Variants in TRAPPC14 observed in about 807,000 individuals in gnomAD.
The protein encoded by TRAPPC14 is trafficking protein particle complex subunit 14, also known as microtubule associated protein 11.
In TRAPPC14, 24 loss-of-function variants were observed where a neutral mutation model predicts 56.6. That is an observed-to-expected ratio of 0.42 (90% CI 0.31 to 0.60). TRAPPC14 has a LOEUF of 0.60. TRAPPC14 is among the 20% of genes least tolerant of loss of function. The probability of loss-of-function intolerance (pLI) is 0.14; values close to 1 mark genes in which losing one functional copy is unlikely to be tolerated. For missense variants in TRAPPC14, 615 were observed against 790.3 expected (o/e 0.78, Z 2.66); for synonymous variants, 377 against 347.0 (o/e 1.09, Z -0.96).
chr7:100,154,904 CA>C lies in TRAPPC14; in HGVS notation c.*106del, dbSNP rs1798841284. 1 of 1,122,520 alleles carries C rather than the reference CA, an allele frequency of 8.9e-7. No homozygotes were observed. The highest frequency in any genetic ancestry group is 1.8e-5 in the Admixed American group (1 of 55,306). 69.5% of individuals were successfully genotyped at this position (1,122,520 alleles called of 1,614,324 possible). ...GACAGGCAGCTCTGCCAGGCCTCTT[CA>C]CCCCCGTCTGGGAGGCATCCCAGGG... On this transcript the variant is annotated 3_prime_UTR_variant, in exon 11 of 11. Coordinates refer to ENST00000316937, the MANE Select transcript of TRAPPC14 (RefSeq NM_018275.5).
Position 100,157,622 on chromosome 7 carries a change from G to A in TRAPPC14, c.637+11C>T. The A allele has an allele frequency of 6.2e-7, 1 of 1,613,974 alleles. No homozygotes were observed. Among genetic ancestry groups the A allele is most frequent in the Non-Finnish European group, 8.5e-7 (1 of 1,179,994 alleles). ...GACTCTAGCCCTTTGCCTCTGCGCT[G>A]CCCTGCCCACCTTGGGCCTTGAAAG... On this transcript the variant is annotated intron_variant, in intron 3 of 10. Transcript: ENST00000316937.
Position 100,154,875 on chromosome 7 carries a change from A to G in TRAPPC14, c.*136T>C, listed in dbSNP as rs1036323571. The G allele has an allele frequency of 2.5e-6, 2 of 814,132 alleles. No individual in the cohort carries two copies. Among genetic ancestry groups the G allele is most frequent in the Non-Finnish European group, 4.1e-6 (2 of 488,166 alleles). The allele number at this position is 814,132 out of a possible 1,614,324, so 50.4% of individuals were successfully genotyped here. ...CTTCCCCCATCCCTCATCAGCAGAC[A>G]CAAGACAGGCAGCTCTGCCAGGCCT... is the stretch of plus-strand genomic sequence containing the variant. On this transcript the variant is annotated 3_prime_UTR_variant, in exon 11 of 11. Coordinates refer to ENST00000316937, the MANE Select transcript of TRAPPC14 (RefSeq NM_018275.5).
In TRAPPC14 at chr7:100,158,080, G is replaced by C; in HGVS notation, c.411+9C>G. On this transcript the variant is annotated intron_variant, in intron 1 of 10. Coordinates refer to ENST00000316937, the MANE Select transcript of TRAPPC14 (RefSeq NM_018275.5). ...TCCGTCCTGTGCCAGGTCCCCCAAA[G>C]CTCCTCACCGTGGTCGCTCCCCCTG... The C allele has an allele frequency of 6.8e-7, 1 of 1,464,040 alleles. No individual in the cohort carries two copies. The highest frequency in any genetic ancestry group is 1.4e-5 in the South Asian group (1 of 72,916). The allele number at this position is 1,464,040 out of a possible 1,614,324, so 90.7% of individuals were successfully genotyped here.
Position 100,157,171 on chromosome 7 carries a change from G to T in TRAPPC14, c.768C>A (p.Ile256=). Residue 256 remains isoleucine (I), a synonymous_variant, in exon 5 of 11, where the codon ATC becomes ATA. Coordinates refer to ENST00000316937, the MANE Select transcript of TRAPPC14 (RefSeq NM_018275.5). ...SSQEEISIWD[I]RILPNFNASY... is the part of the protein sequence containing the mutation. ...TGGCGTTGAAGTTGGGGAGGATTCG[G>T]ATATCCCAGATGGAGATTTCCTCCT... 6.2e-7 allele frequency: 1 copy of T among 1,614,184 alleles called. No individual in the cohort carries two copies. The highest frequency in any genetic ancestry group is 8.5e-7 in the Non-Finnish European group (1 of 1,180,034).
chr7:100,157,153 G>C lies in TRAPPC14; in HGVS notation c.786C>G (p.Phe262Leu). 1 of 1,614,222 alleles carries C rather than the reference G, an allele frequency of 6.2e-7. No individual in the cohort carries two copies. Among genetic ancestry groups the C allele is most frequent in the Non-Finnish European group, 8.5e-7 (1 of 1,180,044 alleles). Residue 262 changes from phenylalanine (F) to leucine (L), a missense_variant, in exon 5 of 11, where the codon TTC (phenylalanine) becomes TTG (leucine). Coordinates refer to ENST00000316937, the MANE Select transcript of TRAPPC14 (RefSeq NM_018275.5). ...SIWDIRILPN[F>L]NASYLPVMPD... is the part of the protein sequence containing the mutation. ...GCATGACAGGTAGATAACTGGCGTT[G>C]AAGTTGGGGAGGATTCGGATATCCC...
rs1285825478 is a variant in TRAPPC14 at position 100,157,943 on chromosome 7, G to A, written c.412-5C>T. 6.5e-7 allele frequency: 1 copy of A among 1,535,394 alleles called. No homozygotes were observed. Among genetic ancestry groups the A allele is most frequent in the South Asian group, 1.3e-5 (1 of 78,792 alleles). ...AATCGGTTCCTCCACAGGCAGCTGG[G>A]GTTGGGAAAGGGGTGAAGAGGTCAG... On this transcript the variant is annotated splice_polypyrimidine_tract_variant and splice_region_variant and intron_variant, in intron 1 of 10. Coordinates refer to ENST00000316937, the MANE Select transcript of TRAPPC14 (RefSeq NM_018275.5).
rs368722843 is a variant in TRAPPC14 at position 100,154,651 on chromosome 7, G to A, written c.*360C>T. On this transcript the variant is annotated 3_prime_UTR_variant, in exon 11 of 11. Coordinates refer to ENST00000316937, the MANE Select transcript of TRAPPC14 (RefSeq NM_018275.5). ...CTAATCTCAGCCCTGCGGGAGGGAG[G>A]GAGGGAATGTCAGAGGTGGGAAAGA... is the stretch of plus-strand genomic sequence containing the variant. 30 of 317,792 alleles carry A rather than the reference G, an allele frequency of 9.4e-5. No individual in the cohort carries two copies. The East Asian group carries it at 2.5e-3, about 27-fold the overall frequency. The allele number at this position is 317,792 out of a possible 1,614,324, so 19.7% of individuals were successfully genotyped here. A position where few individuals can be genotyped will look rare whatever the true frequency, so the allele number is the denominator to read the frequency against.
rs13245950 is a variant in TRAPPC14 at position 100,158,454 on chromosome 7, G to A, written c.46C>T (p.Leu16=). Residue 16 remains leucine, a synonymous_variant, in exon 1 of 11, where the codon CTG becomes TTG. Coordinates refer to ENST00000316937, the MANE Select transcript of TRAPPC14 (RefSeq NM_018275.5). The part of the protein sequence containing the change: ...DYSMYFPAVP[L]PPRAELAGDP... ...CCTGCCAGCTCCGCGCGCGGCGGCA[G>A]CGGCACGGCCGGGAAGTACATCGAG... 7.2e-7 allele frequency: 1 copy of A among 1,393,496 alleles called. No individual in the cohort carries two copies. The highest frequency in any genetic ancestry group is 9.3e-7 in the Non-Finnish European group (1 of 1,076,508). The allele number at this position is 1,393,496 out of a possible 1,614,324, so 86.3% of individuals were successfully genotyped here. A position where few individuals can be genotyped will look rare whatever the true frequency, so the allele number is the denominator to read the frequency against.
rs778090654 is a variant in TRAPPC14, at chr7:100,156,549, G to C, written c.1077C>G (p.Arg359=). Residue 359 remains arginine, a splice_region_variant and synonymous_variant, in exon 8 of 11, where the codon CGC becomes CGG. Transcript: ENST00000316937. The part of the protein sequence containing the change: ...PFTQSIYTHY[R]LPSVRLDRPC... ...GGCGGTCCAAGCGGACACTGGGCAG[G>C]CTAGGAGTGGTGAGAGAGGGATGCT... 6.2e-7 allele frequency: 1 copy of C among 1,614,070 alleles called. No individual in the cohort carries two copies. The highest frequency in any genetic ancestry group is 8.5e-7 in the Non-Finnish European group (1 of 1,179,944).
In TRAPPC14 at chr7:100,156,947, G is replaced by A. The variant is rs192880220; in HGVS notation, c.891C>T (p.Pro297=). Residue 297 remains proline (P), a synonymous_variant, in exon 6 of 11, where the codon CCC becomes CCT. Transcript: ENST00000316937. ...GGCAGGGGAAGCAGCCAGAGGTCCC[G>A]GGTAGGCGGCAGAAGGAGCCCATGG... is the stretch of plus-strand genomic sequence containing the variant. ...EVSMGSFCRL[P]GTSGCFPCPL... is the part of the protein sequence containing the mutation. 36 of 1,614,036 alleles carry A rather than the reference G, an allele frequency of 2.2e-5. No homozygotes were observed. In the East Asian group the frequency reaches 5.3e-4, roughly 24 times the overall value.
chr7:100,157,476 G>A lies in TRAPPC14; in HGVS notation c.638-17C>T, dbSNP rs755430295. 6.2e-7 allele frequency: 1 copy of A among 1,610,168 alleles called. No homozygotes were observed. Among genetic ancestry groups the A allele is most frequent in the Non-Finnish European group, 8.5e-7 (1 of 1,178,042 alleles). ...GCGTGCTCACTGCGGGAGGGGGTGGGGGCAAGAAGTGATGGTCTGGAGGCT... is the reference window on the plus strand; with the variant it reads ...GCGTGCTCACTGCGGGAGGGGGTGGAGGCAAGAAGTGATGGTCTGGAGGCT... On this transcript the variant is annotated splice_polypyrimidine_tract_variant and intron_variant, in intron 3 of 10. Coordinates refer to ENST00000316937, the MANE Select transcript of TRAPPC14 (RefSeq NM_018275.5).
Position 100,156,860 on chromosome 7 carries a change from A to C in TRAPPC14, c.978T>G (p.Pro326=). The C allele has an allele frequency of 1.2e-6, 2 of 1,614,038 alleles. No individual in the cohort carries two copies. Among genetic ancestry groups the C allele is most frequent in the Non-Finnish European group, 1.7e-6 (2 of 1,180,020 alleles). Residue 326 remains proline, a synonymous_variant, in exon 6 of 11, where the codon CCT becomes CCG. Transcript: ENST00000316937. ...LFQLRGGEQP[P]PGAKEGLEVP... ...TTATGCTCACCTCCTTGGCCCCTGG[A>C]GGGGGCTGCTCACCCCCTCTCAGCT...
chr7:100,158,290 T>C lies in TRAPPC14; in HGVS notation c.210A>G (p.Gly70=). 2 of 1,479,214 alleles carry C rather than the reference T, an allele frequency of 1.4e-6. No individual in the cohort carries two copies. Among genetic ancestry groups the C allele is most frequent in the Non-Finnish European group, 1.8e-6 (2 of 1,121,184 alleles). The allele number at this position is 1,479,214 out of a possible 1,614,324, so 91.6% of individuals were successfully genotyped here. A position where few individuals can be genotyped will look rare whatever the true frequency, so the allele number is the denominator to read the frequency against. The change falls in exon 1 of 11, where the codon GGA becomes GGG. Residue 70 remains glycine, a synonymous_variant. Coordinates refer to ENST00000316937, the MANE Select transcript of TRAPPC14 (RefSeq NM_018275.5). Reference sequence around the variant, plus strand: ...GGGCGGTTGCCAGTTCTGCCCAGGCTCCTCTGGAGCCCAAGCCCGGGCCGC... The same window carrying C: ...GGGCGGTTGCCAGTTCTGCCCAGGCCCCTCTGGAGCCCAAGCCCGGGCCGC... ...TGGGPGLGSR[G]AWAELATALA...
Position 100,158,628 on chromosome 7 carries a change from G to A in TRAPPC14, c.-129C>T, listed in dbSNP as rs941824748. ...CCCGGCTGGGGCGGCCGGAGAGACC[G>A]GCCCGGTCCCGGCACCGGGGCAACG... On this transcript the variant is annotated 5_prime_UTR_variant, in exon 1 of 11. Coordinates refer to ENST00000316937, the MANE Select transcript of TRAPPC14 (RefSeq NM_018275.5). 9 of 984,352 alleles carry A rather than the reference G, an allele frequency of 9.1e-6. No individual in the cohort carries two copies. Among genetic ancestry groups the A allele is most frequent in the Non-Finnish European group, 1.1e-5 (8 of 758,830 alleles). The allele number at this position is 984,352 out of a possible 1,614,324, so 61.0% of individuals were successfully genotyped here.
rs981396469 is a variant in TRAPPC14, at chr7:100,158,542, C to T, written c.-43G>A. On this transcript the variant is annotated 5_prime_UTR_variant, in exon 1 of 11. Coordinates refer to ENST00000316937, the MANE Select transcript of TRAPPC14 (RefSeq NM_018275.5). ...GCGACTGGGAGCCCGGACCGGAGGC[C>T]GACCGCCGGCGGGGCCCGCTAGGGT... 3.1e-6 allele frequency: 4 copies of T among 1,299,666 alleles called. No homozygotes were observed. Among genetic ancestry groups the T allele is most frequent in the African/African-American group, 3.1e-5 (2 of 64,636 alleles). The allele number at this position is 1,299,666 out of a possible 1,614,324, so 80.5% of individuals were successfully genotyped here. A position where few individuals can be genotyped will look rare whatever the true frequency, so the allele number is the denominator to read the frequency against.
Position 100,157,926 on chromosome 7 carries a change from C to T in TRAPPC14, c.424G>A (p.Glu142Lys). The T allele has an allele frequency of 5.2e-6, 8 of 1,541,180 alleles. No individual in the cohort carries two copies. Among genetic ancestry groups the T allele is most frequent in the East Asian group, 2.3e-5 (1 of 44,220 alleles). ...ACCTCATCTGTGGACACAATCGGTT[C>T]CTCCACAGGCAGCTGGGGTTGGGAA... ...SGGATTLPVE[E>K]PIVSTDEVIF... Residue 142 changes from glutamate (E) to lysine (K), a missense_variant, in exon 2 of 11, where the codon GAA (glutamate) becomes AAA (lysine). Glu to Lys is a moderately conservative substitution (Grantham distance 56). Coordinates refer to ENST00000316937, the MANE Select transcript of TRAPPC14 (RefSeq NM_018275.5).
chr7:100,155,245 G>A lies in TRAPPC14; in HGVS notation c.1589+17C>T, dbSNP rs1320142977. On this transcript the variant is annotated intron_variant, in intron 10 of 10. Transcript: ENST00000316937. Reference sequence around the variant, plus strand: ...CATCCTCTACCCGGTCCCATGCCACGCCCCCTGGTTCTGTACCTCATGAGG... The same window carrying A: ...CATCCTCTACCCGGTCCCATGCCACACCCCCTGGTTCTGTACCTCATGAGG... 1.3e-6 allele frequency: 2 copies of A among 1,581,778 alleles called. No individual in the cohort carries two copies. The highest frequency in any genetic ancestry group is 1.1e-5 in the South Asian group (1 of 87,994).
chr7:100,158,552 C>T lies in TRAPPC14; in HGVS notation c.-53G>A. ...GCCCGGACCGGAGGCCGACCGCCGGCGGGGCCCGCTAGGGTGGGTCCAGAG... is the reference window on the plus strand; with the variant it reads ...GCCCGGACCGGAGGCCGACCGCCGGTGGGGCCCGCTAGGGTGGGTCCAGAG... On this transcript the variant is annotated 5_prime_UTR_variant, in exon 1 of 11. Coordinates refer to ENST00000316937, the MANE Select transcript of TRAPPC14 (RefSeq NM_018275.5). 8.4e-6 allele frequency: 11 copies of T among 1,305,362 alleles called. No homozygotes were observed. Among genetic ancestry groups the T allele is most frequent in the Non-Finnish European group, 1.1e-5 (11 of 1,029,144 alleles). 80.9% of individuals were successfully genotyped at this position (1,305,362 alleles called of 1,614,324 possible).
rs766968564 is a variant in TRAPPC14, at chr7:100,156,983, A to C, written c.855T>G (p.Ser285=). The C allele has an allele frequency of 5.0e-6, 8 of 1,613,936 alleles. No homozygotes were observed. In the African/African-American group the frequency reaches 5.3e-5, roughly 11 times the overall value. ...VLLVDNVCHQ[S]GEVSMGSFCR... Reference sequence around the variant, plus strand: ...AGAAGGAGCCCATGGAGACTTCCCCAGACTGGTGACTAGCTCAGAAAAGAG... The same window carrying C: ...AGAAGGAGCCCATGGAGACTTCCCCCGACTGGTGACTAGCTCAGAAAAGAG... Residue 285 remains serine (S), a synonymous_variant, in exon 6 of 11, where the codon TCT becomes TCG. Transcript: ENST00000316937.
Sources: allele counts gnomAD v4.1 joint callset, GRCh38; gene constraint gnomAD v4.1.1; transcripts MANE v1.5; gene names NCBI Gene and HGNC (gene_info 2026-07-23, HGNC 2026-07-21).